Variants in BCAS1 observed in about 807,000 individuals in gnomAD.
The protein encoded by BCAS1 is brain enriched myelin associated protein 1, also known as breast carcinoma-amplified sequence 1.
BCAS1 carries 46 observed loss-of-function variants against 65.4 expected under a neutral mutation model. That is an observed-to-expected ratio of 0.70 (90% CI 0.55 to 0.90). BCAS1 has a LOEUF of 0.90. Ranked by LOEUF, BCAS1 falls within the 40% of genes least tolerant of loss-of-function variation. The pLI is 0.00. For synonymous variants in BCAS1, 298 were observed against 293.5 expected (o/e 1.02, Z -0.16); for missense variants, 793 against 771.2 (o/e 1.03, Z -0.33).
intron 4 of BCAS1, among the ~76,000 whole-genome samples, chr20:54,020,654 A>T (rs1876939245): frequency 6.6e-6 from 1 of 152,224 alleles, no homozygotes; most frequent in Admixed American, 6.5e-5. Context: ...CATTGGGAAT[A>T]CTCAGTTGCA....
At chr20:54,024,535 A>C (rs1391263533) in intron 4 of BCAS1, among the ~76,000 whole-genome samples, 1 of 152,206 alleles carries the variant, frequency 6.6e-6, no homozygotes, top group Non-Finnish European at 1.5e-5. Flanking sequence ...CTAGAGATGT[A>C]AATTTGGAAC....
chr20:53,975,177 TTTATTTTGCAC>T (rs2090295905), intron 9 of BCAS1, among the ~76,000 whole-genome samples: 1 of 152,232 alleles, frequency 6.6e-6, no homozygotes, highest in South Asian at 2.1e-4. Context: ...TGATTTTGCA[TTTATTTTGCAC>T]TGATTCAATG....
At position 53,943,733 on chromosome 20, in the gene BCAS1, G is replaced by A. The variant is rs1358747699; in HGVS notation, c.*1189C>T. On this transcript the variant is annotated 3_prime_UTR_variant, in exon 13 of 13. Coordinates refer to ENST00000688948, the MANE Select transcript of BCAS1 (RefSeq NM_001366298.2). ...AAATTTTTATTAACTGAGGTTATGG[G>A]GAGGGTTTTATCAGAGCACATCCTG... is the stretch of plus-strand genomic sequence containing the variant. The A allele has an allele frequency of 6.6e-6, 1 of 152,092 alleles. No individual in the cohort carries two copies. The highest frequency in any genetic ancestry group is 1.5e-5 in the Non-Finnish European group (1 of 68,014). The allele number at this position is 152,092 out of a possible 1,614,324, so 9.4% of individuals were successfully genotyped here. A position where few individuals can be genotyped will look rare whatever the true frequency, so the allele number is the denominator to read the frequency against.
At chr20:54,069,840 C>T (rs750524478) in intron 1 of BCAS1, among the ~76,000 whole-genome samples, 10 of 152,136 alleles carry the variant, frequency 6.6e-5, no homozygotes, top group African/African-American at 1.4e-4. Context: ...GCAGCGCACC[C>T]GCATTCTAAT....
chr20:53,987,473 G>A (rs1173623356), intron 7 of BCAS1, among the ~76,000 whole-genome samples: 1 of 152,158 alleles, frequency 6.6e-6, no homozygotes, highest in East Asian at 1.9e-4. Context: ...TGGTTAAAGG[G>A]TAAGTACCCC....
At chr20:54,054,828 C>T (rs2092271803) in intron 3 of BCAS1, among the ~76,000 whole-genome samples, 1 of 152,102 alleles carries the variant, frequency 6.6e-6, no homozygotes, top group Admixed American at 6.5e-5. Context: ...CAAGAGAAAC[C>T]TATTTCCCTC....
At chr20:54,009,627 A>T (rs915306203) in intron 4 of BCAS1, among the ~76,000 whole-genome samples, 1 of 152,188 alleles carries the variant, frequency 6.6e-6, no homozygotes, top group African/African-American at 2.4e-5. Flanking sequence ...TTCACTGGAG[A>T]ATTCTATGAA....
chr20:54,052,079 G>A (rs1299317863), intron 3 of BCAS1, among the ~76,000 whole-genome samples: 1 of 152,094 alleles, frequency 6.6e-6, no homozygotes, highest in Non-Finnish European at 1.5e-5. Context: ...TACCTTAACA[G>A]CATTTACAAA....
chr20:54,045,210 C>CAAAAAAAAAA (rs11086447), intron 3 of BCAS1, among the ~76,000 whole-genome samples: 1 of 136,114 alleles, frequency 7.3e-6, no homozygotes. Context: ...GACCTCATCT[C>CAAAAAAAAAA]AAAAAAAAAA....
At chr20:53,957,682 C>T (rs1355430882) in intron 10 of BCAS1, among the ~76,000 whole-genome samples, 185 bp from the exon 11 acceptor site, 1 of 152,158 alleles carries the variant, frequency 6.6e-6, no homozygotes, top group Non-Finnish European at 1.5e-5. Context: ...CTAACCAGAT[C>T]TAATTAAATT....
chr20:54,067,759 TG>T (rs1182303740), intron 1 of BCAS1, among the ~76,000 whole-genome samples: 2 of 152,110 alleles, frequency 1.3e-5, no homozygotes, highest in Admixed American at 6.5e-5. Context: ...GACTGTTGAA[TG>T]GGAGGGGGGG....
intron 4 of BCAS1, among the ~76,000 whole-genome samples, chr20:54,008,607 A>G (rs985950736): frequency 2.0e-5 from 3 of 152,210 alleles, no homozygotes; most frequent in Non-Finnish European, 4.4e-5. Context: ...TACTGCTGGA[A>G]TGGTGTCCGG....
At chr20:53,987,573 T>G (rs527717619) in intron 7 of BCAS1, among the ~76,000 whole-genome samples, 71 of 152,306 alleles carry the variant, frequency 4.7e-4, no homozygotes, top group African/African-American at 1.7e-3. Flanking sequence ...AAATCCACTT[T>G]GAGTGTCCTC....
In BCAS1 at chr20:54,066,103, G is replaced by C. The variant is rs537661591; in HGVS notation, c.-6+4330C>G. 4.8e-4 allele frequency among the ~76,000 whole-genome samples: 72 copies of C among 149,126 alleles called. No homozygotes were observed. The East Asian group carries it at 5.7e-3, about 12-fold the overall frequency. The stretch of plus-strand genomic sequence containing the variant: ...TTTTTTTTTTTTTGAGGCGAAGTCT[G>C]GCTCTGTCGCCCAGGCTGGAGTGCA... On this transcript the variant is annotated intron_variant, in intron 1 of 12. Coordinates refer to ENST00000688948, the MANE Select transcript of BCAS1 (RefSeq NM_001366298.2).
chr20:54,058,096 T>A lies in BCAS1; in HGVS notation c.131A>T (p.His44Leu), dbSNP rs2092323544. The change falls in exon 3 of 13, where the codon CAC becomes CTC. Residue 44 changes from histidine (H) to leucine (L), a missense_variant. Physicochemically the swap from His to Leu is moderately conservative, Grantham distance 99. Coordinates refer to ENST00000688948, the MANE Select transcript of BCAS1 (RefSeq NM_001366298.2). ...PVVVSTHTVQ[H>L]LEEVDLGISV... ...AGAGTAGCACTGACCTTCCTCTAAGTGCTGAACTGTGTGGGTCGACACCAC... is the reference window on the plus strand; with the variant it reads ...AGAGTAGCACTGACCTTCCTCTAAGAGCTGAACTGTGTGGGTCGACACCAC... 6.2e-7 allele frequency: 1 copy of A among 1,613,160 alleles called. No individual in the cohort carries two copies. The highest frequency in any genetic ancestry group is 1.3e-5 in the African/African-American group (1 of 74,650).
At chr20:53,954,849 C>G (rs1182040908) in intron 11 of BCAS1, among the ~76,000 whole-genome samples, 2 of 152,230 alleles carry the variant, frequency 1.3e-5, no homozygotes, top group Non-Finnish European at 2.9e-5. Flanking sequence ...CAAAGGGCAA[C>G]AGTTGCTCTG....
intron 4 of BCAS1, among the ~76,000 whole-genome samples, chr20:53,998,776 A>G (rs1003371756): frequency 1.9e-4 from 29 of 151,694 alleles, no homozygotes; most frequent in South Asian, 1.5e-3. Flanking sequence ...TAATCTTAAT[A>G]TATTATTATT....
intron 3 of BCAS1, among the ~76,000 whole-genome samples, chr20:54,046,820 G>T (rs1040573644): frequency 4.1e-5 from 6 of 147,422 alleles, no homozygotes; most frequent in African/African-American, 1.5e-4. Flanking sequence ...CTCCAGCCTG[G>T]GTGACAGAGT....
intron 4 of BCAS1, among the ~76,000 whole-genome samples, chr20:54,000,292 G>T (rs903581765): frequency 1.3e-5 from 2 of 152,076 alleles, no homozygotes; most frequent in African/African-American, 4.8e-5. Flanking sequence ...TTCCTGCAAT[G>T]CCCAGGACAA....
Sources: allele counts gnomAD v4.1 joint callset (sites outside exome capture counted in the v4.1 genomes callset), GRCh38; gene constraint gnomAD v4.1.1; transcripts MANE v1.5; gene names NCBI Gene and HGNC (gene_info 2026-07-23, HGNC 2026-07-21).